RNF113A: variants seen among roughly 807,000 people sequenced by gnomAD.
RNF113A encodes the protein E3 ubiquitin-protein ligase RNF113A.
For synonymous variants in RNF113A, 80 were observed against 110.5 expected, an observed-to-expected ratio of 0.72 and a Z score of 1.73; for missense variants, 180 against 285.4, an observed-to-expected ratio of 0.63 and a Z score of 2.66.
rs1194228665 is a variant in RNF113A at position 119,871,584 on chromosome X, C to T, written c.30G>A (p.Ala10=). The stretch of plus-strand genomic sequence containing the variant: ...AAAGGAAGGTGCACACCTGATCCAC[C>T]GCCTTTCCTGGAGAAAGCTGCTCTG... MAEQLSPGK[A]VDQVCTFLFK... The change falls in exon 1 of 1, where the codon GCG becomes GCA. Residue 10 remains alanine, a synonymous_variant. Transcript: ENST00000371442. 4 of 1,195,525 alleles carry T rather than the reference C, an allele frequency of 3.3e-6. No homozygotes were observed. The highest frequency in any genetic ancestry group is 4.5e-6 in the Non-Finnish European group (4 of 888,263).
chrX:119,871,509 G>A lies in RNF113A; in HGVS notation c.105C>T (p.Ala35=). ...CGCTTTCTCCGGGCTCTGGGTCGCA[G>A]GCCGGGCGCTTTCTGCGTCCAGCAG... The part of the protein sequence containing the change: ...KGAAGRRKRP[A]CDPEPGESGS... Residue 35 remains alanine (A), a synonymous_variant, in exon 1 of 1, where the codon GCC becomes GCT. Coordinates refer to ENST00000371442, the MANE Select transcript of RNF113A (RefSeq NM_006978.3). 8.2e-7 allele frequency: 1 copy of A among 1,212,407 alleles called. No individual in the cohort carries two copies. The highest frequency in any genetic ancestry group is 3.0e-5 in the East Asian group (1 of 33,869).
At position 119,871,341 on chromosome X, in the gene RNF113A, A is replaced by C. The variant is rs1268235928; in HGVS notation, c.273T>G (p.Asn91Lys). Residue 91 changes from asparagine to lysine, a missense_variant, in exon 1 of 1, where the codon AAT becomes AAG. Transcript: ENST00000371442. ...GDLSSEEEEE[N>K]EPESLGVVYK... ...AAACCACGCCGAGACTCTCGGGCTC[A>C]TTTTCCTCTTCCTCTTCGCTGCTCA... 4.5e-5 allele frequency: 54 copies of C among 1,209,033 alleles called. No individual in the cohort carries two copies. The highest frequency in any genetic ancestry group is 5.8e-5 in the Non-Finnish European group (52 of 895,112).
chrX:119,870,637 C>T lies in RNF113A; in HGVS notation c.977G>A (p.Gly326Asp). ...GTCTTCTGGCAAGTCGGAAGCACCA[C>T]CCTCTCCTGTAGCTCGATGCTTCTC... is the stretch of plus-strand genomic sequence containing the variant. Reference protein sequence around the residue: ...KLEKHRATGEGGASDLPEDPD... With the variant: ...KLEKHRATGEDGASDLPEDPD... Residue 326 changes from glycine (G) to aspartate (D), a missense_variant, in exon 1 of 1, where the codon GGT becomes GAT. Coordinates refer to ENST00000371442, the MANE Select transcript of RNF113A (RefSeq NM_006978.3). 2.5e-6 allele frequency: 3 copies of T among 1,211,668 alleles called. No homozygotes were observed. The highest frequency in any genetic ancestry group is 3.4e-6 in the Non-Finnish European group (3 of 895,341).
At position 119,870,943 on chromosome X, in the gene RNF113A, G is replaced by A. The variant is rs1225129134; in HGVS notation, c.671C>T (p.Ser224Leu). The A allele has an allele frequency of 1.7e-6, 2 of 1,209,131 alleles. No homozygotes were observed. The highest frequency in any genetic ancestry group is 2.2e-6 in the Non-Finnish European group (2 of 895,134). The part of the protein sequence containing the change: ...GDSCKFLHDR[S>L]DYKHGWQIER... Reference sequence around the variant, plus strand: ...GATCTGCCACCCATGCTTGTAATCTGAACGGTCATGGAGGAATTTGCAGCT... The same window carrying A: ...GATCTGCCACCCATGCTTGTAATCTAAACGGTCATGGAGGAATTTGCAGCT... The change falls in exon 1 of 1, where the codon TCA becomes TTA. Residue 224 changes from serine (S) to leucine (L), a missense_variant. Coordinates refer to ENST00000371442, the MANE Select transcript of RNF113A (RefSeq NM_006978.3).
chrX:119,870,668 T>C lies in RNF113A; in HGVS notation c.946A>G (p.Lys316Glu). The change falls in exon 1 of 1, where the codon AAA (lysine) becomes GAA (glutamate). Residue 316 changes from lysine to glutamate, a missense_variant. Lys to Glu is a moderately conservative substitution (Grantham distance 56). Coordinates refer to ENST00000371442, the MANE Select transcript of RNF113A (RefSeq NM_006978.3). The stretch of plus-strand genomic sequence containing the variant: ...CCTGTAGCTCGATGCTTCTCTAGTT[T>C]AGCAATCAATTCTTTCGCTGGATTG... ...VFNPAKELIAKLEKHRATGEG... is the reference protein window; with the variant it reads ...VFNPAKELIAELEKHRATGEG... 1 of 1,211,983 alleles carries C rather than the reference T, an allele frequency of 8.3e-7. No individual in the cohort carries two copies. Among genetic ancestry groups the C allele is most frequent in the Non-Finnish European group, 1.1e-6 (1 of 895,541 alleles).
chrX:119,871,624 T>C lies in RNF113A; in HGVS notation c.-11A>G, dbSNP rs1800823. 77,437 of 1,170,794 alleles carry C rather than the reference T, an allele frequency of 0.066. 2,284 individuals carry two copies. Among genetic ancestry groups the C allele is most frequent in the East Asian group, 0.19 (6,227 of 33,480 alleles). On this transcript the variant is annotated 5_prime_UTR_variant, in exon 1 of 1. Transcript: ENST00000371442. Reference sequence around the variant, plus strand: ...AAGCTGCTCTGCCATTTTAGAGTCCTGAGCTCCGAAACAGCCGTGGCTGCC... The same window carrying C: ...AAGCTGCTCTGCCATTTTAGAGTCCCGAGCTCCGAAACAGCCGTGGCTGCC...
rs765752105 is a variant in RNF113A, at chrX:119,870,699, G to T, written c.915C>A (p.Gly305=). ...RCYVCDQQTN[G]VFNPAKELIA... ...TCAATTCTTTCGCTGGATTGAAGAC[G>T]CCATTGGTCTGCTGGTCACAGACAT... is the stretch of plus-strand genomic sequence containing the variant. Residue 305 remains glycine, a synonymous_variant, in exon 1 of 1, where the codon GGC becomes GGA. Transcript: ENST00000371442. The T allele has an allele frequency of 8.3e-7, 1 of 1,211,718 alleles. No homozygotes were observed.
chrX:119,870,987 G>A lies in RNF113A; in HGVS notation c.627C>T (p.Gly209=). 2.5e-6 allele frequency: 3 copies of A among 1,211,785 alleles called. No individual in the cohort carries two copies. Among genetic ancestry groups the A allele is most frequent in the Non-Finnish European group, 2.2e-6 (2 of 895,589 alleles). ...PDICKDYKET[G]FCGFGDSCKF... ...TGCAGCTGTCTCCGAAGCCGCAGAA[G>A]CCAGTCTCTTTGTAGTCCTTACAGA... The change falls in exon 1 of 1, where the codon GGC becomes GGT. Residue 209 remains glycine (G), a synonymous_variant. Transcript: ENST00000371442.
chrX:119,870,919 A>G lies in RNF113A; in HGVS notation c.695T>C (p.Ile232Thr), dbSNP rs2056407278. The G allele has an allele frequency of 8.3e-7, 1 of 1,209,232 alleles. No homozygotes were observed. Among genetic ancestry groups the G allele is most frequent in the Admixed American group, 2.2e-5 (1 of 45,534 alleles). ...DRSDYKHGWQ[I>T]ERELDEGRYG... ...GCGACCCTCATCAAGCTCACGTTCG[A>G]TCTGCCACCCATGCTTGTAATCTGA... Residue 232 changes from isoleucine to threonine, a missense_variant, in exon 1 of 1, where the codon ATC becomes ACC. Physicochemically the swap from Ile to Thr is moderately conservative, Grantham distance 89. Transcript: ENST00000371442.
chrX:119,871,513 G>A lies in RNF113A; in HGVS notation c.101C>T (p.Pro34Leu), dbSNP rs2056411011. 1 of 1,212,292 alleles carries A rather than the reference G, an allele frequency of 8.2e-7. No individual in the cohort carries two copies. The highest frequency in any genetic ancestry group is 1.1e-6 in the Non-Finnish European group (1 of 895,600). ...RKGAAGRRKR[P>L]ACDPEPGESG... The stretch of plus-strand genomic sequence containing the variant: ...TTCTCCGGGCTCTGGGTCGCAGGCC[G>A]GGCGCTTTCTGCGTCCAGCAGCCCC... Residue 34 changes from proline to leucine, a missense_variant, in exon 1 of 1, where the codon CCG becomes CTG. Coordinates refer to ENST00000371442, the MANE Select transcript of RNF113A (RefSeq NM_006978.3).
In RNF113A at chrX:119,871,700, G is replaced by A. The variant is rs2056412085; in HGVS notation, c.-87C>T. ...CACTCCACGTTGCGCGCTCCGCCGG[G>A]AGTCGAAGCAAAAGACACTGACGGA... On this transcript the variant is annotated 5_prime_UTR_variant, in exon 1 of 1. Coordinates refer to ENST00000371442, the MANE Select transcript of RNF113A (RefSeq NM_006978.3). 4 of 1,019,755 alleles carry A rather than the reference G, an allele frequency of 3.9e-6. No homozygotes were observed. The highest frequency in any genetic ancestry group is 5.4e-6 in the Non-Finnish European group (4 of 746,140). 84.0% of individuals were successfully genotyped at this position (1,019,755 alleles called of 1,213,427 possible).
rs1037989136 is a variant in RNF113A at position 119,871,143 on chromosome X, G to T, written c.471C>A (p.Asn157Lys). 8.3e-7 allele frequency: 1 copy of T among 1,210,587 alleles called. No individual in the cohort carries two copies. The highest frequency in any genetic ancestry group is 1.1e-6 in the Non-Finnish European group (1 of 895,429). Residue 157 changes from asparagine to lysine, a missense_variant, in exon 1 of 1, where the codon AAC (asparagine) becomes AAA (lysine). By Grantham distance (94) the Asn-to-Lys change is moderately conservative (BLOSUM62 0). Transcript: ENST00000371442. ...TGGGCTTCATGTATTTCTGATAATTGTTGATTCCCCGATAGATCTTGTCAT... is the reference window on the plus strand; with the variant it reads ...TGGGCTTCATGTATTTCTGATAATTTTTGATTCCCCGATAGATCTTGTCAT... The part of the protein sequence containing the change: ...KEDDKIYRGI[N>K]NYQKYMKPKD...
At position 119,871,335 on chromosome X, in the gene RNF113A, G is replaced by A. The variant is rs773994808; in HGVS notation, c.279C>T (p.Pro93=). Residue 93 remains proline, a synonymous_variant, in exon 1 of 1, where the codon CCC becomes CCT. Coordinates refer to ENST00000371442, the MANE Select transcript of RNF113A (RefSeq NM_006978.3). ...ATTTATAAACCACGCCGAGACTCTC[G>A]GGCTCATTTTCCTCTTCCTCTTCGC... ...LSSEEEEENE[P]ESLGVVYKST... 7 of 1,209,178 alleles carry A rather than the reference G, an allele frequency of 5.8e-6. No individual in the cohort carries two copies. In the Admixed American group the frequency reaches 1.5e-4, roughly 26 times the overall value.
rs1798787860 is a variant in RNF113A at position 119,871,462 on chromosome X, C to T, written c.152G>A (p.Cys51Tyr). The T allele has an allele frequency of 8.2e-7, 1 of 1,212,353 alleles. No individual in the cohort carries two copies. The highest frequency in any genetic ancestry group is 1.1e-6 in the Non-Finnish European group (1 of 895,667). The change falls in exon 1 of 1, where the codon TGC becomes TAC. Residue 51 changes from cysteine (C) to tyrosine (Y), a missense_variant. By Grantham distance (194) the Cys-to-Tyr change is radical (BLOSUM62 -2). Coordinates refer to ENST00000371442, the MANE Select transcript of RNF113A (RefSeq NM_006978.3). ...CTTCTTTTCCGGTCGAACCACAGTG[C>T]AGCCTTCGTCGCTACTGCTGCCGCT... is the stretch of plus-strand genomic sequence containing the variant. ...GESGSSSDEG[C>Y]TVVRPEKKRV...
In RNF113A at chrX:119,871,044, A is replaced by C. The variant is rs1418783447; in HGVS notation, c.570T>G (p.Arg190=). The C allele has an allele frequency of 2.5e-6, 3 of 1,209,741 alleles. No homozygotes were observed. The highest frequency in any genetic ancestry group is 3.4e-6 in the Non-Finnish European group (3 of 895,239). Residue 190 remains arginine, a synonymous_variant, in exon 1 of 1, where the codon CGT becomes CGG. Transcript: ENST00000371442. ...KGPIRAPEHL[R]ATVRWDYQPD... is the part of the protein sequence containing the mutation. ...GCTGGTAATCCCAGCGCACGGTGGCACGTAGATGCTCGGGCGCTCGGATGG... is the reference window on the plus strand; with the variant it reads ...GCTGGTAATCCCAGCGCACGGTGGCCCGTAGATGCTCGGGCGCTCGGATGG...
At position 119,870,905 on chromosome X, in the gene RNF113A, C is replaced by G. The variant is rs765959511; in HGVS notation, c.709G>C (p.Asp237His). 4.1e-6 allele frequency: 5 copies of G among 1,209,524 alleles called. No homozygotes were observed. The highest frequency in any genetic ancestry group is 5.6e-6 in the Non-Finnish European group (5 of 895,178). ...KHGWQIEREL[D>H]EGRYGVYEDE... Reference sequence around the variant, plus strand: ...TCATAGACACCATAGCGACCCTCATCAAGCTCACGTTCGATCTGCCACCCA... The same window carrying G: ...TCATAGACACCATAGCGACCCTCATGAAGCTCACGTTCGATCTGCCACCCA... Residue 237 changes from aspartate to histidine, a missense_variant, in exon 1 of 1, where the codon GAT becomes CAT. Physicochemically the swap from Asp to His is moderately conservative, Grantham distance 81. Transcript: ENST00000371442.
In RNF113A at chrX:119,870,989, C is replaced by T; in HGVS notation, c.625G>A (p.Gly209Ser). 8.3e-7 allele frequency: 1 copy of T among 1,211,795 alleles called. No individual in the cohort carries two copies. ...PDICKDYKET[G>S]FCGFGDSCKF... ...CAGCTGTCTCCGAAGCCGCAGAAGC[C>T]AGTCTCTTTGTAGTCCTTACAGATG... The change falls in exon 1 of 1, where the codon GGC becomes AGC. Residue 209 changes from glycine (G) to serine (S), a missense_variant. Transcript: ENST00000371442.
rs2056408991 is a variant in RNF113A at position 119,871,230 on chromosome X, G to A, written c.384C>T (p.Arg128=). 1.7e-6 allele frequency: 2 copies of A among 1,211,146 alleles called. No homozygotes were observed. The highest frequency in any genetic ancestry group is 2.2e-6 in the Non-Finnish European group (2 of 895,509). The part of the protein sequence containing the change: ...AVYELDTEKE[R]DAQAIFERSQ... ...TGCGCTCAAAGATGGCTTGTGCATC[G>A]CGCTCTTTCTCTGTGTCCAGCTCAT... The change falls in exon 1 of 1, where the codon CGC becomes CGT. Residue 128 remains arginine, a synonymous_variant. Transcript: ENST00000371442.
chrX:119,870,645 T>C lies in RNF113A; in HGVS notation c.969A>G (p.Thr323=). ...LIAKLEKHRA[T]GEGGASDLPE... ...GCAAGTCGGAAGCACCACCCTCTCC[T>C]GTAGCTCGATGCTTCTCTAGTTTAG... The change falls in exon 1 of 1, where the codon ACA becomes ACG. Residue 323 remains threonine, a synonymous_variant. Transcript: ENST00000371442. The C allele has an allele frequency of 8.3e-7, 1 of 1,211,836 alleles. No homozygotes were observed.
Sources: gnomAD v4.1 joint callset for allele counts on GRCh38, gnomAD v4.1.1 for gene constraint, MANE v1.5 for transcripts, NCBI Gene and HGNC (gene_info 2026-07-23, HGNC 2026-07-21) for gene names.